Variants in LRCH1 observed in about 807,000 individuals in gnomAD.
LRCH1 encodes the protein leucine-rich repeat and calponin homology domain-containing protein 1.
LRCH1 carries 23 observed loss-of-function variants against 94.9 expected under a neutral mutation model. The ratio of observed to expected loss-of-function variants is 0.24; its 90% CI spans 0.17 to 0.34. The LOEUF (loss-of-function observed/expected upper bound fraction) is 0.34, where lower values mean the gene tolerates loss of function less well. LRCH1 is among the 10% of genes least tolerant of loss of function. The pLI is 1.00. For missense variants in LRCH1, 790 were observed against 945.9 expected, an observed-to-expected ratio of 0.84 and a Z score of 2.16; for synonymous variants, 364 against 354.9, an observed-to-expected ratio of 1.03 and a Z score of -0.29.
chr13:46,558,570 T>TCCAAAAAAAAAAAAAAA (rs1346600054), intron 1 of LRCH1, among the ~76,000 whole-genome samples: 1 of 9,314 alleles, frequency 1.1e-4, no homozygotes, highest in Non-Finnish European at 1.6e-4. Context: ...ACCCTGTGTC[T>TCCAAAAAAAAAAAAAAA]ACAAAAAAAA....
At chr13:46,644,413 A>C (rs977781187) in intron 1 of LRCH1, among the ~76,000 whole-genome samples, 1 of 152,230 alleles carries the variant, frequency 6.6e-6, no homozygotes, top group Admixed American at 6.5e-5. Context: ...GTAGGCCTGA[A>C]GTAGTTTTCC....
intron 3 of LRCH1, among the ~76,000 whole-genome samples, chr13:46,678,782 G>T (rs1029776690): frequency 2.6e-5 from 4 of 152,158 alleles, no homozygotes; most frequent in Non-Finnish European, 5.9e-5. Context: ...ATCACCTTAT[G>T]ATTAGAGAAA....
At chr13:46,735,635 A>G (rs2138240693) in intron 19 of LRCH1, among the ~76,000 whole-genome samples, 1 of 152,356 alleles carries the variant, frequency 6.6e-6, no homozygotes, top group Non-Finnish European at 1.5e-5. Context: ...TGCCCCTGGC[A>G]GTAATGTACA....
At chr13:46,684,596 C>G (rs1870509308) in intron 4 of LRCH1, among the ~76,000 whole-genome samples, 1 of 152,148 alleles carries the variant, frequency 6.6e-6, no homozygotes, top group African/African-American at 2.4e-5. Flanking sequence ...CTAGGGGAAA[C>G]AGCTAGGAGG....
At chr13:46,671,985 G>T (rs573450459) in intron 3 of LRCH1, among the ~76,000 whole-genome samples, 3 of 152,092 alleles carry the variant, frequency 2.0e-5, no homozygotes, top group African/African-American at 7.2e-5. Flanking sequence ...ACATTCTATC[G>T]GTTTGGGTAA....
intron 1 of LRCH1, among the ~76,000 whole-genome samples, chr13:46,621,233 G>C (rs2050876699): frequency 6.6e-6 from 1 of 152,218 alleles, no homozygotes; most frequent in Non-Finnish European, 1.5e-5. Context: ...GTGTGTTGCA[G>C]GTACCACAGT....
At chr13:46,659,267 A>C (rs544844590) in intron 2 of LRCH1, among the ~76,000 whole-genome samples, 1 of 152,170 alleles carries the variant, frequency 6.6e-6, no homozygotes, top group African/African-American at 2.4e-5. Flanking sequence ...ATCTTAGCTC[A>C]CTGCAGCCTC....
At chr13:46,598,806 A>G (rs1022690644) in intron 1 of LRCH1, among the ~76,000 whole-genome samples, 1 of 152,204 alleles carries the variant, frequency 6.6e-6, no homozygotes, top group Non-Finnish European at 1.5e-5. Flanking sequence ...GCAATGCTCT[A>G]TGGTATAAAA....
chr13:46,742,052 A>G lies in LRCH1; in HGVS notation c.*204A>G. On this transcript the variant is annotated 3_prime_UTR_variant, in exon 20 of 20. Transcript: ENST00000389797. ...CAGTTTAGTATAATTCCTCTCACTTACTGAAATACAACGACGACGACTGCA... is the reference window on the plus strand; with the variant it reads ...CAGTTTAGTATAATTCCTCTCACTTGCTGAAATACAACGACGACGACTGCA... The G allele has an allele frequency of 7.0e-7, 1 of 1,423,162 alleles. No individual in the cohort carries two copies. Among genetic ancestry groups the G allele is most frequent in the Non-Finnish European group, 9.2e-7 (1 of 1,092,694 alleles). The allele number at this position is 1,423,162 out of a possible 1,614,324, so 88.2% of individuals were successfully genotyped here.
intron 1 of LRCH1, among the ~76,000 whole-genome samples, chr13:46,637,526 G>A (rs1455538031): frequency 6.6e-6 from 1 of 152,154 alleles, no homozygotes; most frequent in Non-Finnish European, 1.5e-5. Context: ...TGTGCCTGCA[G>A]TATGCCATCC....
intron 19 of LRCH1, among the ~76,000 whole-genome samples, chr13:46,739,234 G>A (rs542957278): frequency 2.6e-5 from 4 of 152,112 alleles, no homozygotes; most frequent in South Asian, 2.1e-4. Flanking sequence ...TAGTAATCTC[G>A]GTCACACACT....
At chr13:46,600,111 C>A (rs968467495) in intron 1 of LRCH1, among the ~76,000 whole-genome samples, 1 of 152,190 alleles carries the variant, frequency 6.6e-6, no homozygotes, top group Non-Finnish European at 1.5e-5. Flanking sequence ...GTCTTGAACT[C>A]CTGGCCTCAG....
At chr13:46,620,728 A>G (rs894009284) in intron 1 of LRCH1, among the ~76,000 whole-genome samples, 5 of 152,236 alleles carry the variant, frequency 3.3e-5, no homozygotes, top group Non-Finnish European at 7.3e-5. Context: ...CTTTTTGAGT[A>G]GGACATTCCC....
intron 3 of LRCH1, among the ~76,000 whole-genome samples, chr13:46,677,787 T>A (rs1039243245): frequency 4.6e-5 from 7 of 152,352 alleles, no homozygotes; most frequent in Middle Eastern, 6.8e-3. Context: ...GACTGACTGG[T>A]CTATAAAAAA....
chr13:46,746,100 T>G (rs1873899825), downstream of LRCH1, among the ~76,000 whole-genome samples: 1 of 152,340 alleles, frequency 6.6e-6, no homozygotes, highest in South Asian at 2.1e-4. Context: ...GGCATAGTAT[T>G]GTGGAAAGAG....
chr13:46,651,935 T>C (rs934946874), intron 2 of LRCH1, among the ~76,000 whole-genome samples: 2 of 147,182 alleles, frequency 1.4e-5, no homozygotes, highest in Non-Finnish European at 3.0e-5. Flanking sequence ...TCGCCCAGGC[T>C]GGAGTGCAGT....
Position 46,743,163 on chromosome 13 carries a change from A to C in LRCH1, c.*1315A>C, listed in dbSNP as rs71432932. The stretch of plus-strand genomic sequence containing the variant: ...TGATGGACTTAGCTTCCTCAAGATA[A>C]ATTTCTAGTTTATTAAGATGCAAAC... On this transcript the variant is annotated 3_prime_UTR_variant, in exon 20 of 20. Coordinates refer to ENST00000389797, the MANE Select transcript of LRCH1 (RefSeq NM_001164211.2). 20 of 985,620 alleles carry C rather than the reference A, an allele frequency of 2.0e-5. No homozygotes were observed. The highest frequency in any genetic ancestry group is 2.4e-5 in the Non-Finnish European group (20 of 829,886). 61.1% of individuals were successfully genotyped at this position (985,620 alleles called of 1,614,324 possible). A position where few individuals can be genotyped will look rare whatever the true frequency, so the allele number is the denominator to read the frequency against.
intron 3 of LRCH1, among the ~76,000 whole-genome samples, chr13:46,674,658 T>G (rs1406098578): frequency 1.3e-5 from 2 of 152,238 alleles, no homozygotes; most frequent in Non-Finnish European, 2.9e-5. Flanking sequence ...GATAAAGCAT[T>G]CACATTTACT....
chr13:46,598,574 A>G (rs2050591027), intron 1 of LRCH1, among the ~76,000 whole-genome samples: 1 of 134,816 alleles, frequency 7.4e-6, no homozygotes, highest in Admixed American at 7.8e-5. Context: ...TAACTTTTGT[A>G]GTTTCACCAC....
Sources: gnomAD v4.1 joint callset for allele counts (sites outside exome capture counted in the v4.1 genomes callset) on GRCh38, gnomAD v4.1.1 for gene constraint, MANE v1.5 for transcripts, NCBI Gene and HGNC (gene_info 2026-07-23, HGNC 2026-07-21) for gene names.